Variants in RCAN2 observed in about 807,000 individuals in gnomAD.
RCAN2 encodes regulator of calcineurin 2, also known as calcipressin-2.
Under a neutral mutation model 23.6 loss-of-function variants are expected in RCAN2, and 9 were observed. The ratio of observed to expected loss-of-function variants is 0.38; its 90% confidence interval spans 0.23 to 0.67. The LOEUF is 0.67. RCAN2 is among the 30% of genes least tolerant of loss of function. RCAN2 has a pLI of 0.51. For synonymous variants in RCAN2, 109 were observed against 115.7 expected (o/e 0.94, Z 0.37); for missense variants, 273 against 302.3 (o/e 0.90, Z 0.72).
At chr6:46,252,827 C>G (rs1169877052) in intron 2 of RCAN2, among the ~76,000 whole-genome samples, 2 of 152,146 alleles carry the variant, frequency 1.3e-5, no homozygotes, top group African/African-American at 2.4e-5. Flanking sequence ...TGAAGAAAAA[C>G]TGGCCTCATC....
chr6:46,390,044 CCTG>C (rs1418226457), intron 2 of RCAN2, among the ~76,000 whole-genome samples: 135 of 150,216 alleles, frequency 9.0e-4, no homozygotes, highest in Non-Finnish European at 1.5e-3. Flanking sequence ...AAATCAAACT[CCTG>C]AAAATTGACC....
chr6:46,465,765 C>T (rs1307020804), intron 1 of RCAN2, among the ~76,000 whole-genome samples: 1 of 152,192 alleles, frequency 6.6e-6, no homozygotes, highest in African/African-American at 2.4e-5. Flanking sequence ...GGCTCTGGGG[C>T]ACAGGGCGCA....
At chr6:46,272,014 A>G (rs779664969) in intron 2 of RCAN2, among the ~76,000 whole-genome samples, 1 of 152,218 alleles carries the variant, frequency 6.6e-6, no homozygotes, top group Non-Finnish European at 1.5e-5. Context: ...TATAAGCTTT[A>G]TATCACAAAA....
At chr6:46,432,369 A>G (rs1229633236) in intron 2 of RCAN2, among the ~76,000 whole-genome samples, 1 of 152,002 alleles carries the variant, frequency 6.6e-6, no homozygotes, top group Admixed American at 6.6e-5. Context: ...ATGTGCCACC[A>G]TGCCTGGCTA....
Position 46,380,547 on chromosome 6 carries a change from T to C in RCAN2, c.225+76205A>G, listed in dbSNP as rs373008834. 1.5e-4 allele frequency among the ~76,000 whole-genome samples: 23 copies of C among 152,318 alleles called. No homozygotes were observed. The East Asian group carries it at 2.3e-3, about 15-fold the overall frequency. The stretch of plus-strand genomic sequence containing the variant: ...TTCTAGGCCCCTACCCCAGATTTAC[T>C]GATTCAGAAACTCTGGAGGCAGAGC... On this transcript the variant is annotated intron_variant, in intron 2 of 4. Coordinates refer to ENST00000371374, the MANE Select transcript of RCAN2 (RefSeq NM_001251974.2).
chr6:46,314,327 A>T (rs1430607414), intron 2 of RCAN2, among the ~76,000 whole-genome samples: 1 of 147,206 alleles, frequency 6.8e-6, no homozygotes, highest in Non-Finnish European at 1.5e-5. Flanking sequence ...GCAACACTGC[A>T]CTAAAGCCTG....
intron 1 of RCAN2, among the ~76,000 whole-genome samples, chr6:46,459,142 C>G (rs1422694571): frequency 6.6e-6 from 1 of 152,224 alleles, no homozygotes; most frequent in Non-Finnish European, 1.5e-5. Context: ...AGGTGATCCA[C>G]CCACCTGGGC....
intron 1 of RCAN2, among the ~76,000 whole-genome samples, chr6:46,487,771 G>A (rs991773224): frequency 5.3e-5 from 8 of 152,178 alleles, no homozygotes; most frequent in African/African-American, 1.9e-4. Flanking sequence ...TCTGTAAAAT[G>A]GATCAGTTCA....
chr6:46,441,724 T>C (rs1006479396), intron 2 of RCAN2, among the ~76,000 whole-genome samples: 1 of 152,088 alleles, frequency 6.6e-6, no homozygotes, highest in African/African-American at 2.4e-5. Context: ...CCCAGTAAAA[T>C]AGAATATTAA....
chr6:46,443,326 G>A (rs1767608201), intron 2 of RCAN2, among the ~76,000 whole-genome samples: 1 of 151,992 alleles, frequency 6.6e-6, no homozygotes, highest in African/African-American at 2.4e-5. Flanking sequence ...TTAAACCATA[G>A]TGAATTATTA....
chr6:46,486,622 C>T (rs1025050799), intron 1 of RCAN2, among the ~76,000 whole-genome samples: 15 of 152,082 alleles, frequency 9.9e-5, no homozygotes, highest in African/African-American at 3.4e-4. Context: ...AATCTAGGAC[C>T]GTGTTCTAAA....
intron 2 of RCAN2, among the ~76,000 whole-genome samples, chr6:46,456,126 G>C (rs1768020584): frequency 6.6e-6 from 1 of 152,176 alleles, no homozygotes; most frequent in Non-Finnish European, 1.5e-5. Flanking sequence ...AAAATGGGAA[G>C]CTGGAAAATG....
chr6:46,432,160 T>C (rs1767228415), intron 2 of RCAN2, among the ~76,000 whole-genome samples: 1 of 152,246 alleles, frequency 6.6e-6, no homozygotes, highest in African/African-American at 2.4e-5. Context: ...TAATTTACCA[T>C]AATAACTATT....
At chr6:46,245,490 A>G (rs1037208704) in intron 4 of RCAN2, among the ~76,000 whole-genome samples, 1 of 152,154 alleles carries the variant, frequency 6.6e-6, no homozygotes, top group African/African-American at 2.4e-5. Context: ...AGAAACCAGG[A>G]CAGTTGGTCA....
chr6:46,426,294 T>C (rs143936680), intron 2 of RCAN2, among the ~76,000 whole-genome samples: 102 of 152,354 alleles, frequency 6.7e-4, no homozygotes, highest in African/African-American at 2.3e-3. Flanking sequence ...TTTCGCAGAA[T>C]GTTTCTAAAC....
At chr6:46,238,840 C>T (rs1425946542) in intron 4 of RCAN2, among the ~76,000 whole-genome samples, 1 of 152,160 alleles carries the variant, frequency 6.6e-6, no homozygotes, top group African/African-American at 2.4e-5. Flanking sequence ...AGGGGTGAGC[C>T]ACCACACTCA....
At chr6:46,449,964 G>A (rs973875316) in intron 2 of RCAN2, among the ~76,000 whole-genome samples, 2 of 151,734 alleles carry the variant, frequency 1.3e-5, no homozygotes, top group African/African-American at 2.4e-5. Flanking sequence ...AAAAATAAAT[G>A]GGATTACATT....
At chr6:46,467,639 G>A (rs1373626966) in intron 1 of RCAN2, among the ~76,000 whole-genome samples, 1 of 152,212 alleles carries the variant, frequency 6.6e-6, no homozygotes, top group African/African-American at 2.4e-5. Context: ...CCACTTTCTA[G>A]CTGTGTGACC....
intron 2 of RCAN2, among the ~76,000 whole-genome samples, chr6:46,276,458 C>A (rs563509945): frequency 2.0e-5 from 3 of 152,226 alleles, no homozygotes; most frequent in South Asian, 4.2e-4. Flanking sequence ...GCTCTGTGGT[C>A]CTATGATTTA....
Sources: allele counts gnomAD v4.1 joint callset (sites outside exome capture counted in the v4.1 genomes callset), GRCh38; gene constraint gnomAD v4.1.1; transcripts MANE v1.5; gene names NCBI Gene and HGNC (gene_info 2026-07-23, HGNC 2026-07-21).